Variants in OSBPL2 observed in about 807,000 individuals in gnomAD.
OSBPL2 encodes the protein oxysterol binding protein like 2, also known as oxysterol-binding protein-related protein 2.
Under a neutral mutation model 58.4 loss-of-function variants are expected in OSBPL2, and 18 were observed. That is an observed-to-expected ratio of 0.31 (90% CI 0.21 to 0.46). The LOEUF is 0.46. OSBPL2 is among the 20% of genes least tolerant of loss of function. The pLI is 1.00. For missense variants in OSBPL2, 461 were observed against 616.5 expected, an observed-to-expected ratio of 0.75 and a Z score of 2.67; for synonymous variants, 221 against 234.1, an observed-to-expected ratio of 0.94 and a Z score of 0.51.
intron 7 of OSBPL2, 54 bp from the exon 8 acceptor site, chr20:62,281,004 G>A (rs1268699902): frequency 9.2e-6 from 13 of 1,416,174 alleles, no homozygotes; most frequent in East Asian, 4.6e-5. Flanking sequence ...CTTGGGTCAC[G>A]TCGTGTCTTG....
chr20:62,275,499 C>T (rs1290400258), intron 6 of OSBPL2, among the ~76,000 whole-genome samples: 2 of 151,460 alleles, frequency 1.3e-5, no homozygotes, highest in Non-Finnish European at 2.9e-5. Flanking sequence ...CCTGCCTTAA[C>T]CTCCTGGATA....
chr20:62,263,575 G>A (rs905170520), intron 3 of OSBPL2, 41 bp from the exon 4 acceptor site: 1 of 1,511,836 alleles, frequency 6.6e-7, no homozygotes. Context: ...TCAGAGTCCT[G>A]TGTTGAATTC....
At position 62,288,492 on chromosome 20, in the gene OSBPL2, GGGAGGCTGTGGGTGCAGAGGCC is replaced by G. The variant is rs1187523111; in HGVS notation, c.1126-693_1126-672del. ...GCCGGAGGCTGTGGGTGCAGAGGCTGGGAGGCTGTGGGTGCAGAGGCCGGAGGCTGTGGGTGCAGAGGCTGGG... is the reference window on the plus strand; with the variant it reads ...GCCGGAGGCTGTGGGTGCAGAGGCTGGGAGGCTGTGGGTGCAGAGGCTGGG... On this transcript the variant is annotated intron_variant, in intron 11 of 13. Coordinates refer to ENST00000313733, the MANE Select transcript of OSBPL2 (RefSeq NM_144498.4). The surrounding 1 kb of genome is among the most constrained non-coding windows in gnomAD (Gnocchi z 4.8). 4.0e-5 allele frequency among the ~76,000 whole-genome samples: 6 copies of G among 149,764 alleles called. No homozygotes were observed. The highest frequency in any genetic ancestry group is 8.9e-5 in the Non-Finnish European group (6 of 67,324).
At chr20:62,258,264 T>A (rs1471067342) in intron 2 of OSBPL2, among the ~76,000 whole-genome samples, 1 of 152,242 alleles carries the variant, frequency 6.6e-6, no homozygotes, top group Non-Finnish European at 1.5e-5. Context: ...AAAAAACCAC[T>A]TCATCTCTTT....
intron 6 of OSBPL2, among the ~76,000 whole-genome samples, chr20:62,275,165 C>T (rs1982308192): frequency 6.6e-6 from 1 of 152,122 alleles, no homozygotes; most frequent in South Asian, 2.1e-4. Flanking sequence ...TGCCACTGAA[C>T]TCTAACCTGG....
chr20:62,254,659 G>A (rs11905664), intron 1 of OSBPL2, among the ~76,000 whole-genome samples: 11,670 of 152,346 alleles, frequency 0.077, 564 homozygotes, highest in South Asian at 0.17. Context: ...ACTGGGGGCC[G>A]TTCTCGCCCC....
chr20:62,241,201 C>T (rs894132168), intron 1 of OSBPL2, among the ~76,000 whole-genome samples: 1 of 151,614 alleles, frequency 6.6e-6, no homozygotes, highest in Non-Finnish European at 1.5e-5. Context: ...GATGGAGTCT[C>T]GCTCTGTCGC....
intron 11 of OSBPL2, among the ~76,000 whole-genome samples, chr20:62,287,051 G>T (rs956500575): frequency 3.9e-5 from 6 of 152,398 alleles, no homozygotes; most frequent in Admixed American, 2.6e-4. Context: ...ACATCAGACA[G>T]ACGTGGCCAT....
At chr20:62,275,946 G>A (rs1982363905) in intron 6 of OSBPL2, among the ~76,000 whole-genome samples, 1 of 146,400 alleles carries the variant, frequency 6.8e-6, no homozygotes, top group Non-Finnish European at 1.5e-5. Flanking sequence ...ATCTCCATTG[G>A]TTGCCCAGGC....
At position 62,289,236 on chromosome 20, in the gene OSBPL2, C is replaced by T; in HGVS notation, c.1155C>T (p.Ser385=). The T allele has an allele frequency of 6.2e-7, 1 of 1,613,806 alleles. No homozygotes were observed. The highest frequency in any genetic ancestry group is 8.5e-7 in the Non-Finnish European group (1 of 1,179,850). ...ATAATTTCACCAGTTTCACTGTGAG[C>T]CTCAACGAGCTGGAGACAGGCATGG... ...QMYNFTSFTV[S]LNELETGMEK... The change falls in exon 12 of 14, where the codon AGC becomes AGT. Residue 385 remains serine (S), a synonymous_variant. Coordinates refer to ENST00000313733, the MANE Select transcript of OSBPL2 (RefSeq NM_144498.4).
intron 1 of OSBPL2, among the ~76,000 whole-genome samples, chr20:62,244,759 G>C (rs1052294154): frequency 6.6e-6 from 1 of 152,218 alleles, no homozygotes; most frequent in African/African-American, 2.4e-5. Context: ...CTTCCGGGAC[G>C]TCGGGCCACA....
intron 9 of OSBPL2, 120 bp downstream of exon 9, chr20:62,281,999 C>T: frequency 6.5e-6 from 4 of 611,942 alleles, no homozygotes; most frequent in Non-Finnish European, 1.2e-5. Flanking sequence ...ACACCAGTGC[C>T]ATCTGTTCAT....
intron 12 of OSBPL2, among the ~76,000 whole-genome samples, 184 bp downstream of exon 12, chr20:62,289,514 A>G (rs1246228618): frequency 6.6e-6 from 1 of 152,262 alleles, no homozygotes; most frequent in Non-Finnish European, 1.5e-5. Context: ...TCTGTGGTGA[A>G]GGGCTTTAAA....
chr20:62,293,654 TG>T, intron 13 of OSBPL2, 130 bp from the exon 14 acceptor site: 1 of 678,606 alleles, frequency 1.5e-6, no homozygotes, highest in Non-Finnish European at 2.4e-6. Flanking sequence ...GTTGTTACGC[TG>T]GGCTGCATTT....
At chr20:62,290,094 C>T (rs747597914) in intron 12 of OSBPL2, among the ~76,000 whole-genome samples, 12 of 152,210 alleles carry the variant, frequency 7.9e-5, no homozygotes, top group East Asian at 5.8e-4. Flanking sequence ...CACACTCTCC[C>T]GGTGGGCTCT....
rs1160899347 is a variant in OSBPL2 at position 62,293,884 on chromosome 20, C to T, written c.1440C>T (p.Tyr480=). ...ATTTCTCCGACTGCCCAGATATCTA[C>T]TGAGGGCCTGGAGGGGCCTGGGGCC... The part of the protein sequence containing the change: ...ERNFSDCPDI[Y] The change falls in exon 14 of 14, where the codon TAC becomes TAT. Residue 480 remains tyrosine (Y), a synonymous_variant. Transcript: ENST00000313733. 6.2e-7 allele frequency: 1 copy of T among 1,613,616 alleles called. No homozygotes were observed. The highest frequency in any genetic ancestry group is 2.2e-5 in the East Asian group (1 of 44,842).
chr20:62,239,881 C>T (rs1979605573), intron 1 of OSBPL2, among the ~76,000 whole-genome samples: 1 of 152,212 alleles, frequency 6.6e-6, no homozygotes, highest in Admixed American at 6.5e-5. Context: ...GAGATGGAGT[C>T]TCGCTTTGTT....
intron 12 of OSBPL2, among the ~76,000 whole-genome samples, chr20:62,290,938 A>G (rs1030095336): frequency 6.6e-6 from 1 of 151,842 alleles, no homozygotes; most frequent in African/African-American, 2.4e-5. Context: ...GGGTTTCACC[A>G]TGTTGGCCAG....
At chr20:62,286,930 T>C (rs540981869) in intron 11 of OSBPL2, among the ~76,000 whole-genome samples, 1 of 152,354 alleles carries the variant, frequency 6.6e-6, no homozygotes. Context: ...GGGCCTGCTG[T>C]TGGGGCTGGG....
Sources: allele counts gnomAD v4.1 joint callset (sites outside exome capture counted in the v4.1 genomes callset), GRCh38; gene constraint gnomAD v4.1.1; non-coding constraint Gnocchi (gnomAD v3.1); transcripts MANE v1.5; gene names NCBI Gene and HGNC (gene_info 2026-07-23, HGNC 2026-07-21).